TNR: variants seen among roughly 807,000 people sequenced by gnomAD.
TNR encodes the protein tenascin-R.
Under a neutral mutation model 150.4 loss-of-function variants are expected in TNR, and 45 were observed. That is an observed-to-expected ratio of 0.30 (90% CI 0.24 to 0.38). The LOEUF is 0.38. TNR is among the 10% of genes least tolerant of loss of function. The pLI, the probability that TNR is intolerant of heterozygous loss-of-function variation, is 1.00. For missense variants in TNR, 1,544 were observed against 1,759.1 expected (o/e 0.88, Z 2.19); for synonymous variants, 687 against 678.4 (o/e 1.01, Z -0.20).
chr1:175,464,851 A>G (rs774132996), intron 2 of TNR, among the ~76,000 whole-genome samples: 5 of 152,150 alleles, frequency 3.3e-5, no homozygotes, highest in Non-Finnish European at 7.3e-5. Context: ...TGGAGGGGAC[A>G]CTGAAAATGC....
chr1:175,369,653 A>T (rs1206839927), intron 9 of TNR, among the ~76,000 whole-genome samples: 1 of 108,728 alleles, frequency 9.2e-6, no homozygotes, highest in African/African-American at 3.1e-5. Flanking sequence ...TAAGTCTGTG[A>T]CCAGCTAGAG....
intron 1 of TNR, among the ~76,000 whole-genome samples, chr1:175,612,479 G>C (rs1205571103): frequency 2.6e-5 from 4 of 152,182 alleles, no homozygotes; most frequent in Admixed American, 2.6e-4. Flanking sequence ...TGCAGGGACA[G>C]GCATCAGTCA....
chr1:175,740,621 T>C (rs1250977202), intron 1 of TNR, among the ~76,000 whole-genome samples: 1 of 152,066 alleles, frequency 6.6e-6, no homozygotes, highest in African/African-American at 2.4e-5. Flanking sequence ...GAGAACTTAG[T>C]GGCTTTGTCT....
At chr1:175,467,668 T>C (rs1404817462) in intron 2 of TNR, among the ~76,000 whole-genome samples, 1 of 152,096 alleles carries the variant, frequency 6.6e-6, no homozygotes, top group African/African-American at 2.4e-5. Context: ...CTACTAGTGA[T>C]AGCTGCACTG....
At chr1:175,422,966 AT>A (rs1437154692) in intron 2 of TNR, among the ~76,000 whole-genome samples, 4 of 152,174 alleles carry the variant, frequency 2.6e-5, no homozygotes, top group Non-Finnish European at 4.4e-5. Context: ...GAGAAGGGTC[AT>A]TGCCTGGTGA....
chr1:175,615,007 G>A (rs993401641), intron 1 of TNR, among the ~76,000 whole-genome samples: 1 of 152,348 alleles, frequency 6.6e-6, no homozygotes, highest in African/African-American at 2.4e-5. Context: ...TGGACTCATG[G>A]GGATCCCCCC....
At chr1:175,588,467 G>A (rs1156357949) in intron 1 of TNR, among the ~76,000 whole-genome samples, 1 of 152,208 alleles carries the variant, frequency 6.6e-6, no homozygotes, top group Non-Finnish European at 1.5e-5. Context: ...AAAGACCATA[G>A]CATCATAGTA....
At chr1:175,731,443 T>C (rs1248595545) in intron 1 of TNR, among the ~76,000 whole-genome samples, 1 of 152,160 alleles carries the variant, frequency 6.6e-6, no homozygotes, top group East Asian at 1.9e-4. Flanking sequence ...ATGAAAAGTA[T>C]AAAGCACAAA....
intron 2 of TNR, among the ~76,000 whole-genome samples, chr1:175,428,580 G>T (rs528517988): frequency 6.6e-6 from 1 of 152,250 alleles, no homozygotes; most frequent in South Asian, 2.1e-4. Context: ...GCTTAGGGAG[G>T]TTAAGTAAAT....
chr1:175,668,967 G>C (rs1329647594), intron 1 of TNR, among the ~76,000 whole-genome samples: 2 of 152,134 alleles, frequency 1.3e-5, no homozygotes, highest in East Asian at 1.9e-4. Flanking sequence ...CAGTGTGTTG[G>C]GCCTCTACAA....
rs549564256 is a variant in TNR, at chr1:175,520,859, C to A, written c.-64+7410G>T. Among the ~76,000 whole-genome samples the A allele has an allele frequency of 7.2e-4, 110 of 151,898 alleles. 1 individual carries two copies. The highest frequency in any genetic ancestry group is 1.3e-3 in the Non-Finnish European group (91 of 68,004). Reference sequence around the variant, plus strand: ...CTCTCGTTTCATCCTTATTTCTCCTCTTCTCTGCTTTTTCCTCCTTCTGTG... The same window carrying A: ...CTCTCGTTTCATCCTTATTTCTCCTATTCTCTGCTTTTTCCTCCTTCTGTG... On this transcript the variant is annotated intron_variant, in intron 2 of 22. Transcript: ENST00000367674.
intron 4 of TNR, among the ~76,000 whole-genome samples, chr1:175,398,738 G>A (rs1269847978): frequency 2.0e-5 from 3 of 152,228 alleles, no homozygotes; most frequent in Non-Finnish European, 4.4e-5. Context: ...GGATTAGAAT[G>A]CAGGCAGAAT....
At chr1:175,727,025 C>T (rs1667499735) in intron 1 of TNR, among the ~76,000 whole-genome samples, 1 of 152,172 alleles carries the variant, frequency 6.6e-6, no homozygotes, top group Non-Finnish European at 1.5e-5. Flanking sequence ...AATGAAGACC[C>T]TTTCTCCCTG....
chr1:175,534,391 A>G (rs1177809414), intron 1 of TNR, among the ~76,000 whole-genome samples: 1 of 152,204 alleles, frequency 6.6e-6, no homozygotes, highest in African/African-American at 2.4e-5. Flanking sequence ...CCTCAGAGAG[A>G]GCTGCACAGT....
chr1:175,742,963 T>TACACACACACACACACAC (rs66777686), intron 1 of TNR, among the ~76,000 whole-genome samples: 1 of 147,818 alleles, frequency 6.8e-6, no homozygotes, highest in Non-Finnish European at 1.5e-5. Context: ...TATGCAACAG[T>TACACACACACACACACAC]ACACACACAC....
At chr1:175,469,942 G>C (rs906444374) in intron 2 of TNR, among the ~76,000 whole-genome samples, 2 of 152,032 alleles carry the variant, frequency 1.3e-5, no homozygotes, top group Non-Finnish European at 2.9e-5. Flanking sequence ...GGATGGAAAG[G>C]GTGAATGCAA....
intron 20 of TNR, among the ~76,000 whole-genome samples, chr1:175,330,965 C>T (rs183828117): frequency 6.6e-6 from 1 of 152,142 alleles, no homozygotes; most frequent in East Asian, 1.9e-4. Context: ...TTGTAAGTCC[C>T]CAGGTTAGGC....
chr1:175,522,591 C>T (rs1358767615), intron 2 of TNR, among the ~76,000 whole-genome samples: 2 of 152,114 alleles, frequency 1.3e-5, no homozygotes, highest in Non-Finnish European at 2.9e-5. Flanking sequence ...TTAAATAGAA[C>T]TTATGCAAAA....
intron 2 of TNR, among the ~76,000 whole-genome samples, chr1:175,514,534 A>C (rs2102162632): frequency 6.6e-6 from 1 of 152,346 alleles, no homozygotes; most frequent in South Asian, 2.1e-4. Context: ...CCCTTCCAGC[A>C]GCTGGACTAT....
Sources: allele counts gnomAD v4.1 joint callset (sites outside exome capture counted in the v4.1 genomes callset), GRCh38; gene constraint gnomAD v4.1.1; transcripts MANE v1.5; gene names NCBI Gene and HGNC (gene_info 2026-07-23, HGNC 2026-07-21).